POTEM: variants seen among roughly 807,000 people sequenced by gnomAD.
POTEM encodes the protein putative POTE ankyrin domain family member M.
For missense variants in POTEM, 24 were observed against 343.0 expected (o/e 0.07, Z 7.35); for synonymous variants, 8 against 113.2 (o/e 0.07, Z 5.90).
chr14:18,969,378 TACAC>T (rs1235545430), intron 1 of POTEM, among the ~76,000 whole-genome samples: 26 of 107,468 alleles, frequency 2.4e-4, no homozygotes, highest in South Asian at 6.4e-4. Flanking sequence ...TATATATATA[TACAC>T]AAAATTTCTT....
Position 18,999,520 on chromosome 14 carries a change from A to G in POTEM, c.*855A>G, listed in dbSNP as rs1267503282. 2.9e-5 allele frequency among the ~76,000 whole-genome samples: 3 copies of G among 103,862 alleles called. No individual in the cohort carries two copies. Among genetic ancestry groups the G allele is most frequent in the African/African-American group, 9.9e-5 (3 of 30,410 alleles). The allele number at this position is 103,862 out of a possible 152,430, so 68.1% of individuals were successfully genotyped here. A position where few individuals can be genotyped will look rare whatever the true frequency, so the allele number is the denominator to read the frequency against. ...CGTGACATCACAGAGAAGCTGTGCT[A>G]TGTTGCCCTGGACTTCGAGCAGGAG... On this transcript the variant is annotated 3_prime_UTR_variant, in exon 11 of 11. Transcript: ENST00000547889.
Position 18,968,983 on chromosome 14 carries a change from T to G in POTEM, c.521+977T>G, listed in dbSNP as rs1444024397. On this transcript the variant is annotated intron_variant, in intron 1 of 10. Transcript: ENST00000547889. Reference sequence around the variant, plus strand: ...GGACAAAGGCTTGCTTTTCCAGATGTCAAAATGTGCATGTTATTTATTTCC... The same window carrying G: ...GGACAAAGGCTTGCTTTTCCAGATGGCAAAATGTGCATGTTATTTATTTCC... Among the ~76,000 whole-genome samples, 3 of 150,652 alleles carry G rather than the reference T, an allele frequency of 2.0e-5. No individual in the cohort carries two copies. The East Asian group carries it at 5.9e-4, about 30-fold the overall frequency.
chr14:18,988,155 CTA>C (rs1367525208), intron 8 of POTEM, 98 bp from the exon 9 acceptor site: 2 of 238,670 alleles, frequency 8.4e-6, no homozygotes, highest in African/African-American at 2.6e-5. Context: ...TTTTTAATGA[CTA>C]AAATAATGAT....
At chr14:18,968,385 A>T (rs1218273696) in intron 1 of POTEM, among the ~76,000 whole-genome samples, 1 of 152,290 alleles carries the variant, frequency 6.6e-6, no homozygotes, top group East Asian at 1.9e-4. Flanking sequence ...TTCAGGGCTA[A>T]ATATTCTTCA....
chr14:18,999,034 A>G lies in POTEM; in HGVS notation c.*369A>G. 4 of 202,528 alleles carry G rather than the reference A, an allele frequency of 2.0e-5. 1 individual carries two copies. Among genetic ancestry groups the G allele is most frequent in the East Asian group, 1.3e-4 (2 of 14,824 alleles). The allele number at this position is 202,528 out of a possible 1,614,324, so 12.5% of individuals were successfully genotyped here. On this transcript the variant is annotated 3_prime_UTR_variant, in exon 11 of 11. Transcript: ENST00000547889. The stretch of plus-strand genomic sequence containing the variant: ...CGTCAGATGGAGTCCTATGTGGGCA[A>G]TGAGGCCCAGAGCAAGAGAGGCATC...
intron 9 of POTEM, among the ~76,000 whole-genome samples, chr14:18,996,438 C>T (rs1891302220): frequency 1.5e-5 from 2 of 136,292 alleles, no homozygotes; most frequent in South Asian, 4.8e-4. Flanking sequence ...CTGGGCCACA[C>T]AGCAGGAAGT....
At chr14:18,968,686 G>A (rs1211987410) in intron 1 of POTEM, among the ~76,000 whole-genome samples, 1 of 152,002 alleles carries the variant, frequency 6.6e-6, no homozygotes, top group African/African-American at 2.4e-5. Context: ...AGCTGGACGC[G>A]GTGGCAGGCA....
At chr14:18,968,958 G>A (rs1273465171) in intron 1 of POTEM, among the ~76,000 whole-genome samples, 5 of 149,934 alleles carry the variant, frequency 3.3e-5, no homozygotes, top group Non-Finnish European at 4.5e-5. Flanking sequence ...GTAGCAGAAT[G>A]GACAAAGGCT....
At position 18,967,770 on chromosome 14, in the gene POTEM, G is replaced by C; in HGVS notation, c.285G>C (p.Arg95Ser). The C allele has an allele frequency of 1.2e-6, 2 of 1,608,716 alleles. No homozygotes were observed. The highest frequency in any genetic ancestry group is 1.1e-5 in the South Asian group (1 of 90,708). Reference protein sequence around the residue: ...DHDDSAMKTLRSKMGKWCCHC... With the variant: ...DHDDSAMKTLSSKMGKWCCHC... ...ACGACTCTGCTATGAAGACACTCAG[G>C]AGCAAGATGGGCAAGTGGTGCTGCC... Residue 95 changes from arginine to serine, a missense_variant, in exon 1 of 11, where the codon AGG becomes AGC. Physicochemically the swap from Arg to Ser is moderately radical, Grantham distance 110 (BLOSUM62 -1). Coordinates refer to ENST00000547889, the MANE Select transcript of POTEM (RefSeq NM_001145442.1).
intron 4 of POTEM, among the ~76,000 whole-genome samples, chr14:18,976,992 AG>A (rs1890970076): frequency 6.6e-6 from 1 of 151,986 alleles, no homozygotes; most frequent in Non-Finnish European, 1.5e-5. Flanking sequence ...TTCAGTGCCT[AG>A]CACATGCTTA....
chr14:18,982,198 TTG>T (rs1312824316), intron 6 of POTEM, among the ~76,000 whole-genome samples: 2 of 149,296 alleles, frequency 1.3e-5, no homozygotes, highest in Non-Finnish European at 3.0e-5. Flanking sequence ...CCCAATAGAC[TTG>T]TGTTTCTTCT....
chr14:18,997,216 A>AT, intron 10 of POTEM, 57 bp downstream of exon 10: 1 of 500,054 alleles, frequency 2.0e-6, no homozygotes, highest in Non-Finnish European at 3.5e-6. Context: ...AAAACTATGT[A>AT]TTTTGGATAT....
intron 6 of POTEM, among the ~76,000 whole-genome samples, chr14:18,983,248 G>A (rs1891127034): frequency 7.6e-6 from 1 of 132,352 alleles, no homozygotes. Flanking sequence ...GATGATAAAT[G>A]TCCATGTGTA....
At chr14:18,986,462 G>GT (rs1375377498) in intron 7 of POTEM, among the ~76,000 whole-genome samples, 17 of 130,084 alleles carry the variant, frequency 1.3e-4, no homozygotes, top group Middle Eastern at 3.8e-3. Context: ...GACCTTTGGT[G>GT]TTAGTGCACA....
At chr14:18,969,442 G>T (rs1207823286) in intron 1 of POTEM, among the ~76,000 whole-genome samples, 257 of 112,850 alleles carry the variant, frequency 2.3e-3, no homozygotes, top group Middle Eastern at 0.018. Context: ...GAGTGCAGTG[G>T]TGCGATCTCG....
intron 1 of POTEM, among the ~76,000 whole-genome samples, chr14:18,969,395 T>TC (rs1890858940): frequency 7.6e-6 from 1 of 130,854 alleles, no homozygotes; most frequent in Admixed American, 7.3e-5. Flanking sequence ...AATTTCTTTT[T>TC]TTTTTTTGAT....
chr14:18,969,445 C>T lies in POTEM; in HGVS notation c.521+1439C>T, dbSNP rs1294824057. 2.2e-3 allele frequency among the ~76,000 whole-genome samples: 238 copies of T among 107,590 alleles called. No individual in the cohort carries two copies. The East Asian group carries it at 0.037, about 17-fold the overall frequency. 70.6% of individuals were successfully genotyped at this position (107,590 alleles called of 152,430 possible). A position where few individuals can be genotyped will look rare whatever the true frequency, so the allele number is the denominator to read the frequency against. ...TTGCCCAGGCTGGAGTGCAGTGGTG[C>T]GATCTCGGCTCACTGCAACCTCTGC... On this transcript the variant is annotated intron_variant, in intron 1 of 10. Coordinates refer to ENST00000547889, the MANE Select transcript of POTEM (RefSeq NM_001145442.1).
chr14:18,969,331 A>T (rs1395969593), intron 1 of POTEM, among the ~76,000 whole-genome samples: 1 of 121,742 alleles, frequency 8.2e-6, no homozygotes, highest in Non-Finnish European at 1.7e-5. Flanking sequence ...ATATATATAT[A>T]TACGTATATA....
chr14:18,987,782 G>A (rs1289647256), intron 8 of POTEM, among the ~76,000 whole-genome samples: 1 of 152,302 alleles, frequency 6.6e-6, no homozygotes, highest in African/African-American at 2.4e-5. Context: ...GCAGAAAAGG[G>A]CCATCTTCCG....
Sources: allele counts gnomAD v4.1 joint callset (sites outside exome capture counted in the v4.1 genomes callset), GRCh38; gene constraint gnomAD v4.1.1; transcripts MANE v1.5; gene names NCBI Gene and HGNC (gene_info 2026-07-23, HGNC 2026-07-21).